Variants in WDCP observed in about 807,000 individuals in gnomAD.
The protein encoded by WDCP is WD repeat and coiled-coil-containing protein.
A neutral mutation model predicts 41.6 loss-of-function variants in WDCP; 19 were observed. The ratio of observed to expected loss-of-function variants is 0.46; its 90% CI spans 0.32 to 0.67. The LOEUF (loss-of-function observed/expected upper bound fraction) is 0.67, where lower values mean the gene tolerates loss of function less well. Ranked by LOEUF, WDCP falls within the 30% of genes least tolerant of loss-of-function variation. WDCP has a pLI of 0.04. For synonymous variants in WDCP, 302 were observed against 320.8 expected (o/e 0.94, Z 0.63); for missense variants, 802 against 850.7 (o/e 0.94, Z 0.71).
intron 1 of WDCP, among the ~76,000 whole-genome samples, chr2:24,046,521 C>A (rs1232287287): frequency 6.6e-6 from 1 of 152,162 alleles, no homozygotes; most frequent in East Asian, 1.9e-4. Context: ...AGAGCCGGTG[C>A]TCAGTATATA....
rs1157079482 is a variant in WDCP, at chr2:24,031,026, T to C, written c.2073A>G (p.Pro691=). The part of the protein sequence containing the change: ...DVFRDSFSHS[P]GAVSSLKVFT... Reference sequence around the variant, plus strand: ...AGACTTTAAGAGAAGAAACAGCACCTGGACTGTGAGAAAAAGAGTCTCTGA... The same window carrying C: ...AGACTTTAAGAGAAGAAACAGCACCCGGACTGTGAGAAAAAGAGTCTCTGA... Residue 691 remains proline (P), a synonymous_variant, in exon 4 of 4, where the codon CCA becomes CCG. Transcript: ENST00000295148. 1 of 1,614,070 alleles carries C rather than the reference T, an allele frequency of 6.2e-7. No homozygotes were observed. The highest frequency in any genetic ancestry group is 2.2e-5 in the East Asian group (1 of 44,896).
At position 24,038,231 on chromosome 2, in the gene WDCP, A is replaced by G. The variant is rs1274608007; in HGVS notation, c.1264T>C (p.Tyr422His). 1 of 1,614,176 alleles carries G rather than the reference A, an allele frequency of 6.2e-7. No homozygotes were observed. Among genetic ancestry groups the G allele is most frequent in the Admixed American group, 1.7e-5 (1 of 60,020 alleles). Residue 422 changes from tyrosine (Y) to histidine (H), a missense_variant, in exon 2 of 4, where the codon TAT (tyrosine) becomes CAT (histidine). Tyr to His is a moderately conservative substitution (Grantham distance 83). Coordinates refer to ENST00000295148, the MANE Select transcript of WDCP (RefSeq NM_025203.3). ...TFLPSSKSDQ[Y>H]AISLIVREIM... ...TCTCTAACAATCAAGCTAATGGCAT[A>G]CTGATCAGACTTTGAAGAAGGAAGA...
Position 24,038,169 on chromosome 2 carries a change from A to G in WDCP, c.1326T>C (p.Gly442=), listed in dbSNP as rs200416916. 2 of 1,614,210 alleles carry G rather than the reference A, an allele frequency of 1.2e-6. No individual in the cohort carries two copies. The highest frequency in any genetic ancestry group is 2.7e-5 in the African/African-American group (2 of 75,056). The change falls in exon 2 of 4, where the codon GGT becomes GGC. Residue 442 remains glycine (G), a synonymous_variant. Coordinates refer to ENST00000295148, the MANE Select transcript of WDCP (RefSeq NM_025203.3). Reference sequence around the variant, plus strand: ...AAGTAGAGTAGGTAGTCTGGCTTTCACCTGATGTTATTGAAGGTTCTTCTT... The same window carrying G: ...AAGTAGAGTAGGTAGTCTGGCTTTCGCCTGATGTTATTGAAGGTTCTTCTT... ...MLEEEPSITS[G]ESQTTYSTFS...
In WDCP at chr2:24,039,393, A is replaced by C. The variant is rs1460616804; in HGVS notation, c.102T>G (p.Val34=). Residue 34 remains valine, a synonymous_variant, in exon 2 of 4, where the codon GTT becomes GTG. Coordinates refer to ENST00000295148, the MANE Select transcript of WDCP (RefSeq NM_025203.3). ...HGLAWTDGNQ[V]VLTDLRLHSG... is the part of the protein sequence containing the mutation. The stretch of plus-strand genomic sequence containing the variant: ...TGTGAAGCCGCAAATCAGTTAGGAC[A>C]ACTTGATTCCCATCGGTCCAGGCAA... 9 of 1,614,272 alleles carry C rather than the reference A, an allele frequency of 5.6e-6. No homozygotes were observed. Among genetic ancestry groups the C allele is most frequent in the Non-Finnish European group, 7.6e-6 (9 of 1,180,048 alleles).
intron 3 of WDCP, 149 bp from the exon 4 acceptor site, chr2:24,031,311 A>G: frequency 8.0e-6 from 5 of 625,404 alleles, no homozygotes; most frequent in Non-Finnish European, 2.8e-6. Flanking sequence ...AGAATGGGGT[A>G]TTGGGAAGAC....
At chr2:24,036,065 A>AAAATAAT (rs1663244136) in intron 2 of WDCP, among the ~76,000 whole-genome samples, 2 of 140,404 alleles carry the variant, frequency 1.4e-5, no homozygotes, top group South Asian at 4.5e-4. Flanking sequence ...CTCCGTCTCA[A>AAAATAAT]AAATAAATAA....
Position 24,039,376 on chromosome 2 carries a change from C to T in WDCP, c.119G>A (p.Arg40Gln), listed in dbSNP as rs1663355010. 6 of 1,614,122 alleles carry T rather than the reference C, an allele frequency of 3.7e-6. No homozygotes were observed. Among genetic ancestry groups the T allele is most frequent in the South Asian group, 2.2e-5 (2 of 91,090 alleles). ...AAACTTGACCTCTCCACTGTGAAGC[C>T]GCAAATCAGTTAGGACAACTTGATT... Reference protein sequence around the residue: ...DGNQVVLTDLRLHSGEVKFGD... With the variant: ...DGNQVVLTDLQLHSGEVKFGD... The change falls in exon 2 of 4, where the codon CGG becomes CAG. Residue 40 changes from arginine (R) to glutamine (Q), a missense_variant. Coordinates refer to ENST00000295148, the MANE Select transcript of WDCP (RefSeq NM_025203.3).
intron 2 of WDCP, among the ~76,000 whole-genome samples, chr2:24,037,357 A>G (rs957684551): frequency 6.6e-6 from 1 of 152,226 alleles, no homozygotes; most frequent in African/African-American, 2.4e-5. Flanking sequence ...GAGTATCTCT[A>G]TTATATAAGG....
In WDCP at chr2:24,044,817, TAAAAAAAAAA is replaced by T. The variant is rs747340836; in HGVS notation, c.-19+2487_-19+2496del. Among the ~76,000 whole-genome samples, 696 of 103,916 alleles carry T rather than the reference TAAAAAAAAAA, an allele frequency of 6.7e-3. 6 individuals carry two copies. The highest frequency in any genetic ancestry group is 0.024 in the African/African-American group (663 of 27,772). 68.2% of individuals were successfully genotyped at this position (103,916 alleles called of 152,430 possible). A position where few individuals can be genotyped will look rare whatever the true frequency, so the allele number is the denominator to read the frequency against. ...ATGTGTTGTTGGGCAGAATTATCTT[TAAAAAAAAAA>T]AAAAAAAAAAAAAAGCACAGCGGTG... On this transcript the variant is annotated intron_variant, in intron 1 of 3. Transcript: ENST00000295148.
At chr2:24,036,026 G>A (rs572607357) in intron 2 of WDCP, among the ~76,000 whole-genome samples, 23 of 149,892 alleles carry the variant, frequency 1.5e-4, no homozygotes, top group East Asian at 5.9e-4. Flanking sequence ...CTGAGATCGC[G>A]CCACTGCACT....
chr2:24,046,023 G>A (rs1663614847), intron 1 of WDCP: 1 of 151,796 alleles, frequency 6.6e-6, no homozygotes, highest in Non-Finnish European at 1.5e-5. Context: ...TATGGAGGCT[G>A]AGAGGATTTG....
At position 24,030,593 on chromosome 2, in the gene WDCP, A is replaced by G. The variant is rs181820409; in HGVS notation, c.*340T>C. 5.2e-4 allele frequency: 114 copies of G among 219,396 alleles called. 1 individual carries two copies. Among genetic ancestry groups the G allele is most frequent in the Non-Finnish European group, 8.8e-4 (97 of 110,342 alleles). 13.6% of individuals were successfully genotyped at this position (219,396 alleles called of 1,614,324 possible). On this transcript the variant is annotated 3_prime_UTR_variant, in exon 4 of 4. Coordinates refer to ENST00000295148, the MANE Select transcript of WDCP (RefSeq NM_025203.3). ...TTTAAGTGCTCCTAAGACAGCTTCA[A>G]TGCAGCTTTGGACAAGGGACACAAA...
In WDCP at chr2:24,031,031, T is replaced by C. The variant is rs369394458; in HGVS notation, c.2068A>G (p.Ser690Gly). ...SDVFRDSFSHSPGAVSSLKVF... is the reference protein window; with the variant it reads ...SDVFRDSFSHGPGAVSSLKVF... ...TTAAGAGAAGAAACAGCACCTGGAC[T>C]GTGAGAAAAAGAGTCTCTGAAGACA... is the stretch of plus-strand genomic sequence containing the variant. The change falls in exon 4 of 4, where the codon AGT becomes GGT. Residue 690 changes from serine to glycine, a missense_variant. Ser to Gly is a moderately conservative substitution (Grantham distance 56, BLOSUM62 0). Around this residue, in one of 5 missense-constraint regions of WDCP, gnomAD observed 321 missense variants for 305.1 expected, o/e 1.05. Coordinates refer to ENST00000295148, the MANE Select transcript of WDCP (RefSeq NM_025203.3). 50 of 1,614,106 alleles carry C rather than the reference T, an allele frequency of 3.1e-5. No individual in the cohort carries two copies. Among genetic ancestry groups the C allele is most frequent in the African/African-American group, 4.0e-5 (3 of 74,940 alleles).
chr2:24,040,964 T>C (rs1255492414), intron 1 of WDCP, among the ~76,000 whole-genome samples: 1 of 150,850 alleles, frequency 6.6e-6, no homozygotes, highest in Non-Finnish European at 1.5e-5. Context: ...TACAGTGAGC[T>C]GAGATCGTGC....
chr2:24,042,296 G>GCA, intron 1 of WDCP, among the ~76,000 whole-genome samples: 1 of 152,028 alleles, frequency 6.6e-6, no homozygotes, highest in Non-Finnish European at 1.5e-5. Context: ...CCAGCACTTT[G>GCA]GGAGGCCGAG....
chr2:24,035,061 A>G (rs1329387243), intron 2 of WDCP, among the ~76,000 whole-genome samples: 3 of 151,706 alleles, frequency 2.0e-5, no homozygotes, highest in Non-Finnish European at 4.4e-5. Flanking sequence ...ATATGGAAAT[A>G]TTTACATCTA....
chr2:24,042,073 T>C (rs1202260301), intron 1 of WDCP, among the ~76,000 whole-genome samples: 1 of 151,942 alleles, frequency 6.6e-6, no homozygotes, highest in African/African-American at 2.4e-5. Flanking sequence ...AAGAATAAAA[T>C]GTTGCAATAA....
Position 24,038,526 on chromosome 2 carries a change from G to A in WDCP, c.969C>T (p.Thr323=). The A allele has an allele frequency of 1.2e-6, 2 of 1,614,190 alleles. No homozygotes were observed. Among genetic ancestry groups the A allele is most frequent in the Non-Finnish European group, 8.5e-7 (1 of 1,180,038 alleles). The part of the protein sequence containing the change: ...GQDSSHLVLV[T]FKKAVTMTRK... ...TCGTCATGGTAACTGCCTTCTTAAAGGTCACAAGGACCAAATGTGAAGAAT... is the reference window on the plus strand; with the variant it reads ...TCGTCATGGTAACTGCCTTCTTAAAAGTCACAAGGACCAAATGTGAAGAAT... The change falls in exon 2 of 4, where the codon ACC becomes ACT. Residue 323 remains threonine, a synonymous_variant. Transcript: ENST00000295148.
In WDCP at chr2:24,030,795, G is replaced by A. The variant is rs936222363; in HGVS notation, c.*138C>T. The A allele has an allele frequency of 1.2e-5, 8 of 667,336 alleles. No individual in the cohort carries two copies. The highest frequency in any genetic ancestry group is 2.1e-5 in the Non-Finnish European group (8 of 384,646). The allele number at this position is 667,336 out of a possible 1,614,324, so 41.3% of individuals were successfully genotyped here. A position where few individuals can be genotyped will look rare whatever the true frequency, so the allele number is the denominator to read the frequency against. ...CGAGCCTCAGCTCAGGGGAAACAGG[G>A]GGAAACCAGGAGAGCCGACCATGGC... is the stretch of plus-strand genomic sequence containing the variant. On this transcript the variant is annotated 3_prime_UTR_variant, in exon 4 of 4. Coordinates refer to ENST00000295148, the MANE Select transcript of WDCP (RefSeq NM_025203.3).
Sources: allele counts gnomAD v4.1 joint callset (sites outside exome capture counted in the v4.1 genomes callset), GRCh38; gene constraint gnomAD v4.1.1; regional missense constraint gnomAD v4.1.1; transcripts MANE v1.5; gene names NCBI Gene and HGNC (gene_info 2026-07-23, HGNC 2026-07-21).